The following LRP8 variants were observed in gnomAD, a reference collection of about 807,000 sequenced individuals.
LRP8 encodes low-density lipoprotein receptor-related protein 8.
LRP8 carries 46 observed loss-of-function variants against 111.6 expected under a neutral mutation model. The ratio of observed to expected loss-of-function variants is 0.41; its 90% CI spans 0.33 to 0.53. The LOEUF is 0.53. Ranked by LOEUF, LRP8 falls within the 20% of genes least tolerant of loss-of-function variation. The pLI, the probability that LRP8 is intolerant of heterozygous loss-of-function variation, is 0.20. For synonymous variants in LRP8, 464 were observed against 511.2 expected, an observed-to-expected ratio of 0.91 and a Z score of 1.24; for missense variants, 959 against 1,297.4, an observed-to-expected ratio of 0.74 and a Z score of 4.01.
At chr1:53,261,585 T>C (rs1646342191) in intron 12 of LRP8, among the ~76,000 whole-genome samples, 1 of 152,226 alleles carries the variant, frequency 6.6e-6, no homozygotes, top group African/African-American at 2.4e-5. Context: ...CTCCTCACTT[T>C]GCTGGGAGCT....
At chr1:53,298,538 G>T (rs1009486633) in intron 2 of LRP8, among the ~76,000 whole-genome samples, 1 of 152,182 alleles carries the variant, frequency 6.6e-6, no homozygotes, top group African/African-American at 2.4e-5. Flanking sequence ...TTGGCACTGG[G>T]ATTGTGGGTT....
intron 2 of LRP8, among the ~76,000 whole-genome samples, chr1:53,324,484 G>A (rs896279591): frequency 6.6e-6 from 1 of 152,182 alleles, no homozygotes; most frequent in African/African-American, 2.4e-5. Flanking sequence ...AGCGTTGGAG[G>A]GACAGCTGCC....
intron 3 of LRP8, among the ~76,000 whole-genome samples, chr1:53,287,589 C>A (rs542551595): frequency 6.6e-6 from 1 of 152,296 alleles, no homozygotes; most frequent in East Asian, 1.9e-4. Context: ...CCCATAGACG[C>A]CTTATGAAAC....
intron 2 of LRP8, among the ~76,000 whole-genome samples, chr1:53,297,771 C>T (rs1292615663): frequency 6.6e-6 from 1 of 152,204 alleles, no homozygotes; most frequent in African/African-American, 2.4e-5. Flanking sequence ...TAAGGAGTTA[C>T]ACAATTCTAA....
intron 2 of LRP8, among the ~76,000 whole-genome samples, chr1:53,316,533 C>A (rs1038891842): frequency 1.1e-4 from 17 of 152,306 alleles, no homozygotes; most frequent in African/African-American, 3.8e-4. Flanking sequence ...TTTCACAGCC[C>A]CTGCCCCCAT....
intron 2 of LRP8, 86 bp downstream of exon 2, chr1:53,326,787 G>A (rs1020225368): frequency 6.6e-7 from 1 of 1,508,892 alleles, no homozygotes; most frequent in South Asian, 1.3e-5. Flanking sequence ...GCAGCGCGGC[G>A]GCTGCAGCCA....
rs1655424157 is a variant in LRP8, at chr1:53,328,054, C to T, written c.-142G>A. 2.9e-6 allele frequency: 1 copy of T among 346,116 alleles called. No homozygotes were observed. Among genetic ancestry groups the T allele is most frequent in the Non-Finnish European group, 4.0e-6 (1 of 247,118 alleles). 21.4% of individuals were successfully genotyped at this position (346,116 alleles called of 1,614,324 possible). A position where few individuals can be genotyped will look rare whatever the true frequency, so the allele number is the denominator to read the frequency against. ...CCGCCGCCGCTGCCGCCCGCCCCGG[C>T]TCCTCGGCTGCATTTCAAGCAGGTT... On this transcript the variant is annotated 5_prime_UTR_variant, in exon 1 of 19. Coordinates refer to ENST00000306052, the MANE Select transcript of LRP8 (RefSeq NM_004631.5).
intron 2 of LRP8, among the ~76,000 whole-genome samples, chr1:53,323,641 A>G (rs1022101990): frequency 6.6e-6 from 1 of 152,208 alleles, no homozygotes; most frequent in African/African-American, 2.4e-5. Flanking sequence ...AAGCCCCAGG[A>G]GCTTTTCCCT....
At position 53,262,484 on chromosome 1, in the gene LRP8, A is replaced by AT; in HGVS notation, c.1735_1736insA (p.Val579AspfsTer6). ...GTTGGGCCATTCAATATTGTCTGAC[A>AT]CCAGTGTTTGCCGGTCCACACCGTT... On this transcript the variant is annotated frameshift_variant, in exon 11 of 19. Transcript: ENST00000306052. LOFTEE classifies it high-confidence loss of function. This position sits in a 1 kb window ranked among gnomAD's most constrained non-coding sequence, Gnocchi z 4.8. 1 of 1,614,206 alleles carries AT rather than the reference A, an allele frequency of 6.2e-7. No homozygotes were observed. Among genetic ancestry groups the AT allele is most frequent in the Non-Finnish European group, 8.5e-7 (1 of 1,180,042 alleles).
In LRP8 at chr1:53,264,331, G is replaced by A. The variant is rs1186770565; in HGVS notation, c.1493C>T (p.Ser498Phe). ...QEVLIDEQLH[S>F]PEGLAVDWVH... ...CCAGTCCACTGCCAGGCCCTCTGGA[G>A]AGTGCAACTGCTCGTCAATGAGGAC... Residue 498 changes from serine (S) to phenylalanine (F), a missense_variant, in exon 10 of 19, where the codon TCT becomes TTT. Transcript: ENST00000306052. 5 of 1,614,022 alleles carry A rather than the reference G, an allele frequency of 3.1e-6. No individual in the cohort carries two copies. The African/African-American group carries it at 6.7e-5, about 22-fold the overall frequency.
intron 2 of LRP8, among the ~76,000 whole-genome samples, chr1:53,316,248 C>G (rs1054614002): frequency 6.6e-6 from 1 of 152,114 alleles, no homozygotes; most frequent in African/African-American, 2.4e-5. Context: ...CTGGCTGCTG[C>G]TGGAGAGGCC....
chr1:53,278,046 A>G (rs1308007959), intron 4 of LRP8, among the ~76,000 whole-genome samples: 1 of 152,218 alleles, frequency 6.6e-6, no homozygotes, highest in South Asian at 2.1e-4. Context: ...GTCTGAGTTC[A>G]GTGGCCGGGA....
At chr1:53,325,578 G>A (rs1655025685) in intron 2 of LRP8, among the ~76,000 whole-genome samples, 1 of 152,254 alleles carries the variant, frequency 6.6e-6, no homozygotes, top group Non-Finnish European at 1.5e-5. Context: ...CATAGACTCA[G>A]TCAGTCTAGT....
At chr1:53,276,431 TG>T (rs1646919925) in intron 5 of LRP8, among the ~76,000 whole-genome samples, 5 of 127,264 alleles carry the variant, frequency 3.9e-5, no homozygotes, top group Non-Finnish European at 8.3e-5. Flanking sequence ...GGGATGGGGG[TG>T]GGAAGTACGA....
chr1:53,263,134 G>T (rs1047031097), intron 10 of LRP8, among the ~76,000 whole-genome samples: 1 of 152,206 alleles, frequency 6.6e-6, no homozygotes, highest in Non-Finnish European at 1.5e-5. Context: ...GGGTTGGGCT[G>T]GGTGTAACTC....
At chr1:53,302,941 C>A (rs1651257957) in intron 2 of LRP8, among the ~76,000 whole-genome samples, 1 of 150,558 alleles carries the variant, frequency 6.6e-6, no homozygotes, top group African/African-American at 2.5e-5. Context: ...AGCAGGTGAT[C>A]CAGAGTCAGG....
At chr1:53,324,609 T>G (rs1393609191) in intron 2 of LRP8, among the ~76,000 whole-genome samples, 1 of 152,206 alleles carries the variant, frequency 6.6e-6, no homozygotes, top group African/African-American at 2.4e-5. Context: ...TCATTCACTT[T>G]TGTTTAATAA....
At chr1:53,256,860 T>C (rs1646108124) in intron 15 of LRP8, among the ~76,000 whole-genome samples, 2 of 152,186 alleles carry the variant, frequency 1.3e-5, no homozygotes, top group Non-Finnish European at 1.5e-5. Context: ...ACATCAGAAC[T>C]TTGTGAAACA....
chr1:53,294,570 G>T lies in LRP8; in HGVS notation c.245-4881C>A, dbSNP rs1000557079. Among the ~76,000 whole-genome samples the T allele has an allele frequency of 6.6e-6, 1 of 152,202 alleles. No homozygotes were observed. The highest frequency in any genetic ancestry group is 2.4e-5 in the African/African-American group (1 of 41,444). On this transcript the variant is annotated intron_variant, in intron 2 of 18. Coordinates refer to ENST00000306052, the MANE Select transcript of LRP8 (RefSeq NM_004631.5). This position sits in a 1 kb window ranked among gnomAD's most constrained non-coding sequence, Gnocchi z 4.1. ...GCAAATAAGCTAAGGATGGCCCCAG[G>T]GCTTTATGAACTGAGAAGCAAAAAG...
Sources: allele counts gnomAD v4.1 joint callset (sites outside exome capture counted in the v4.1 genomes callset), GRCh38; gene constraint gnomAD v4.1.1; non-coding constraint Gnocchi (gnomAD v3.1); transcripts MANE v1.5; gene names NCBI Gene and HGNC (gene_info 2026-07-23, HGNC 2026-07-21).